Variants in LURAP1L observed in about 807,000 individuals in gnomAD.
LURAP1L encodes the protein leucine rich adaptor protein 1 like.
A neutral mutation model predicts 13.8 loss-of-function variants in LURAP1L; 12 were observed. That is an observed-to-expected ratio of 0.87 (90% CI 0.56 to 1.41). LURAP1L has a LOEUF of 1.41. Among genes scored for constraint, LURAP1L ranks in the 40% most tolerant of loss-of-function variants. The pLI, the probability that LURAP1L is intolerant of heterozygous loss-of-function variation, is 0.00. For synonymous variants in LURAP1L, 139 were observed against 119.2 expected, an observed-to-expected ratio of 1.17 and a Z score of -1.08; for missense variants, 375 against 292.9, an observed-to-expected ratio of 1.28 and a Z score of -2.04.
intron 1 of LURAP1L, among the ~76,000 whole-genome samples, chr9:12,786,640 A>C (rs1819360397): frequency 7.1e-6 from 1 of 140,678 alleles, no homozygotes; most frequent in Non-Finnish European, 1.5e-5. Flanking sequence ...CTTATGGTAA[A>C]AATCTTCTTA....
chr9:12,795,007 G>T (rs557866555), intron 1 of LURAP1L, among the ~76,000 whole-genome samples: 1 of 151,838 alleles, frequency 6.6e-6, no homozygotes, highest in African/African-American at 2.4e-5. Context: ...AATCTCAGAG[G>T]TCCCATGGTC....
intron 1 of LURAP1L, among the ~76,000 whole-genome samples, chr9:12,820,371 CG>C (rs1443127030): frequency 2.6e-5 from 4 of 151,184 alleles, no homozygotes; most frequent in Non-Finnish European, 5.9e-5. Context: ...GGCGTGGTGG[CG>C]GGGGCCTGTA....
chr9:12,779,029 CAATAA>C (rs1385367141), intron 1 of LURAP1L, among the ~76,000 whole-genome samples: 3 of 152,102 alleles, frequency 2.0e-5, no homozygotes, highest in African/African-American at 7.2e-5. Flanking sequence ...TAATAACTAA[CAATAA>C]AATAAAACAG....
At chr9:12,786,581 T>TATATATAA (rs61134838) in intron 1 of LURAP1L, among the ~76,000 whole-genome samples, 1 of 121,438 alleles carries the variant, frequency 8.2e-6, no homozygotes, top group Non-Finnish European at 1.8e-5. Context: ...TATATATATA[T>TATATATAA]AAACCCTTGT....
rs575766756 is a variant in LURAP1L at position 12,780,667 on chromosome 9, C to T, written c.312+4640C>T. On this transcript the variant is annotated intron_variant, in intron 1 of 1. Transcript: ENST00000319264. ...ACGAAATGTGCCCATTTACTGTGAA[C>T]GAACATTTTTATAGTAATTTCATCA... Among the ~76,000 whole-genome samples, 4 of 152,106 alleles carry T rather than the reference C, an allele frequency of 2.6e-5. No individual in the cohort carries two copies. The South Asian group carries it at 6.2e-4, about 24-fold the overall frequency.
At chr9:12,793,386 G>A (rs1018957847) in intron 1 of LURAP1L, among the ~76,000 whole-genome samples, 3 of 151,982 alleles carry the variant, frequency 2.0e-5, no homozygotes, top group Non-Finnish European at 2.9e-5. Flanking sequence ...ACTTATCAGT[G>A]TACTTATATT....
chr9:12,789,983 G>T (rs146885843), intron 1 of LURAP1L, among the ~76,000 whole-genome samples: 4,100 of 152,156 alleles, frequency 0.027, 73 homozygotes, highest in Non-Finnish European at 0.042. Flanking sequence ...TACACAAGAA[G>T]CCACCAAGTA....
Position 12,775,921 on chromosome 9 carries a change from T to C in LURAP1L, c.206T>C (p.Leu69Ser). 11 of 1,570,502 alleles carry C rather than the reference T, an allele frequency of 7.0e-6. No individual in the cohort carries two copies. Among genetic ancestry groups the C allele is most frequent in the Non-Finnish European group, 9.5e-6 (11 of 1,157,866 alleles). The change falls in exon 1 of 2, where the codon TTG becomes TCG. Residue 69 changes from leucine (L) to serine (S), a missense_variant. Leu to Ser is a moderately radical substitution (Grantham distance 145, BLOSUM62 -2). Transcript: ENST00000319264. ...SSSYCSFPPS[L>S]SSSSSSSPTS... ...AGCTACTGCAGCTTCCCTCCCTCCT[T>C]GTCGTCCTCCTCTTCGTCCTCCCCA...
rs1445026972 is a variant in LURAP1L at position 12,823,050 on chromosome 9, A to G, written c.*1290A>G. Among the ~76,000 whole-genome samples, 2 of 152,192 alleles carry G rather than the reference A, an allele frequency of 1.3e-5. No individual in the cohort carries two copies. Among genetic ancestry groups the G allele is most frequent in the African/African-American group, 4.8e-5 (2 of 41,450 alleles). On this transcript the variant is annotated 3_prime_UTR_variant, in exon 2 of 2. Transcript: ENST00000319264. ...ATTATTCAATTTCTAATTAAAATAT[A>G]TCAGGGCTTATATTTTGCACTGATC...
rs562724455 is a variant in LURAP1L at position 12,804,488 on chromosome 9, A to C, written c.313-16898A>C. On this transcript the variant is annotated intron_variant, in intron 1 of 1. Coordinates refer to ENST00000319264, the MANE Select transcript of LURAP1L (RefSeq NM_203403.2). ...CTTCCCAGTAGGTGGGATTACAGGT[A>C]TGCACCACCACTCCTGGCTAATTTT... 8.6e-5 allele frequency among the ~76,000 whole-genome samples: 13 copies of C among 151,832 alleles called. No homozygotes were observed. In the East Asian group the frequency reaches 2.3e-3, roughly 27 times the overall value.
chr9:12,781,074 C>T (rs1186883695), intron 1 of LURAP1L, among the ~76,000 whole-genome samples: 5 of 152,054 alleles, frequency 3.3e-5, no homozygotes, highest in Non-Finnish European at 5.9e-5. Flanking sequence ...TAGGTTCAAG[C>T]GATTCTCCTG....
chr9:12,778,869 C>T (rs1819227898), intron 1 of LURAP1L, among the ~76,000 whole-genome samples: 1 of 152,184 alleles, frequency 6.6e-6, no homozygotes, highest in South Asian at 2.1e-4. Context: ...TACAGTAGCC[C>T]ACCTTATCCA....
intron 1 of LURAP1L, chr9:12,790,710 G>T (rs1427578920): frequency 2.6e-5 from 4 of 151,240 alleles, no homozygotes; most frequent in African/African-American, 9.7e-5. Flanking sequence ...ATTGTTCTCA[G>T]AGTTGTCGGA....
intron 1 of LURAP1L, among the ~76,000 whole-genome samples, chr9:12,784,483 A>G (rs529946964): frequency 1.3e-5 from 2 of 152,324 alleles, no homozygotes; most frequent in South Asian, 2.1e-4. Context: ...GGGGTACTAT[A>G]TGACAGAATT....
At chr9:12,786,114 CT>C (rs1428155079) in intron 1 of LURAP1L, among the ~76,000 whole-genome samples, 1 of 152,074 alleles carries the variant, frequency 6.6e-6, no homozygotes, top group African/African-American at 2.4e-5. Context: ...ATTTCAAACA[CT>C]TTTCAAGTAT....
chr9:12,783,826 G>A (rs544900041), intron 1 of LURAP1L, among the ~76,000 whole-genome samples: 1 of 144,490 alleles, frequency 6.9e-6, no homozygotes, highest in South Asian at 2.2e-4. Flanking sequence ...GAGGTCCTGG[G>A]CTTTTTTTTT....
At chr9:12,796,435 CA>C (rs1819512596) in intron 1 of LURAP1L, among the ~76,000 whole-genome samples, 1 of 151,912 alleles carries the variant, frequency 6.6e-6, no homozygotes, top group Admixed American at 6.6e-5. Context: ...CTTTGCTTAA[CA>C]TTGTGTTATA....
At position 12,821,396 on chromosome 9, in the gene LURAP1L, G is replaced by C. The variant is rs1047457799; in HGVS notation, c.323G>C (p.Arg108Thr). 6.2e-7 allele frequency: 1 copy of C among 1,612,968 alleles called. No individual in the cohort carries two copies. The highest frequency in any genetic ancestry group is 8.5e-7 in the Non-Finnish European group (1 of 1,179,176). The change falls in exon 2 of 2, where the codon AGA (arginine) becomes ACA (threonine). Residue 108 changes from arginine to threonine, a missense_variant. Transcript: ENST00000319264. ...HLLRQEMVNLRATDVRLMRQL... is the reference protein window; with the variant it reads ...HLLRQEMVNLTATDVRLMRQL... ...TCTCTTTGTCCATAGGTTAACCTCAGAGCCACAGACGTCAGGCTCATGCGC... is the reference window on the plus strand; with the variant it reads ...TCTCTTTGTCCATAGGTTAACCTCACAGCCACAGACGTCAGGCTCATGCGC...
At chr9:12,786,892 A>G in intron 1 of LURAP1L, among the ~76,000 whole-genome samples, 1 of 151,918 alleles carries the variant, frequency 6.6e-6, no homozygotes, top group East Asian at 1.9e-4. Context: ...TGAGATAAGA[A>G]TTTACTTGTC....
Sources: allele counts gnomAD v4.1 joint callset (sites outside exome capture counted in the v4.1 genomes callset), GRCh38; gene constraint gnomAD v4.1.1; transcripts MANE v1.5; gene names NCBI Gene and HGNC (gene_info 2026-07-23, HGNC 2026-07-21).